Variants in VPS41 observed in about 807,000 individuals in gnomAD.
VPS41 encodes vacuolar protein sorting-associated protein 41 homolog.
Under a neutral mutation model 130.9 loss-of-function variants are expected in VPS41, and 85 were observed. That is an observed-to-expected ratio of 0.65 (90% CI 0.55 to 0.78). VPS41 has a LOEUF of 0.78. VPS41 is among the 30% of genes least tolerant of loss of function. The pLI, the probability that VPS41 is intolerant of heterozygous loss-of-function variation, is 0.00. For missense variants in VPS41, 874 were observed against 1,018.7 expected (o/e 0.86, Z 1.93); for synonymous variants, 335 against 332.9 (o/e 1.01, Z -0.07).
intron 2 of VPS41, among the ~76,000 whole-genome samples, chr7:38,891,355 T>C (rs1786862762): frequency 6.6e-6 from 1 of 152,334 alleles, no homozygotes; most frequent in East Asian, 1.9e-4. Context: ...AAAAAGCACA[T>C]GTCCCAGTGA....
At chr7:38,787,909 G>C (rs1015223563) in intron 10 of VPS41, among the ~76,000 whole-genome samples, 4 of 152,154 alleles carry the variant, frequency 2.6e-5, no homozygotes, top group Non-Finnish European at 5.9e-5. Context: ...TGTCAGTAAT[G>C]TGATACTGTT....
At chr7:38,765,353 G>C (rs1784017234) in intron 16 of VPS41, among the ~76,000 whole-genome samples, 1 of 151,888 alleles carries the variant, frequency 6.6e-6, no homozygotes, top group African/African-American at 2.4e-5. Flanking sequence ...GAGAGAATTG[G>C]AAAGAGATAA....
intron 12 of VPS41, among the ~76,000 whole-genome samples, chr7:38,772,970 A>T (rs1486332434): frequency 6.6e-6 from 1 of 152,212 alleles, no homozygotes. Flanking sequence ...TAATACATCA[A>T]CACTCTGACT....
chr7:38,847,210 T>C (rs775624076), intron 4 of VPS41, among the ~76,000 whole-genome samples: 1 of 152,054 alleles, frequency 6.6e-6, no homozygotes, highest in African/African-American at 2.4e-5. Context: ...TCAAACATCA[T>C]ACAACCAAAA....
chr7:38,861,064 A>G (rs948286997), intron 4 of VPS41, among the ~76,000 whole-genome samples: 20 of 152,172 alleles, frequency 1.3e-4, no homozygotes, highest in Admixed American at 1.0e-3. Context: ...TGATACTATA[A>G]ATTACCTGAA....
intron 25 of VPS41, among the ~76,000 whole-genome samples, chr7:38,730,017 G>A (rs992830766): frequency 6.6e-6 from 1 of 152,142 alleles, no homozygotes; most frequent in Non-Finnish European, 1.5e-5. Context: ...TGTGCCTGTG[G>A]CTTCTCCCTT....
intron 10 of VPS41, among the ~76,000 whole-genome samples, chr7:38,786,380 G>C (rs11980534): frequency 0.073 from 11,088 of 152,092 alleles, 478 homozygotes; most frequent in African/African-American, 0.11. Flanking sequence ...TGTTATATAA[G>C]GAACAATATA....
intron 2 of VPS41, among the ~76,000 whole-genome samples, chr7:38,889,915 A>G (rs1369461570): frequency 1.3e-5 from 2 of 152,226 alleles, no homozygotes; most frequent in Admixed American, 1.3e-4. Flanking sequence ...AATTGCACTT[A>G]AAAAGCAAGG....
At chr7:38,890,650 G>A (rs111244391) in intron 2 of VPS41, among the ~76,000 whole-genome samples, 10 of 152,202 alleles carry the variant, frequency 6.6e-5, no homozygotes, top group African/African-American at 1.9e-4. Context: ...TTTGGAAAGC[G>A]GGTGAAGGAT....
chr7:38,897,607 T>C (rs10245301), intron 2 of VPS41, among the ~76,000 whole-genome samples: 30,098 of 138,794 alleles, frequency 0.22, 4,076 homozygotes, highest in Non-Finnish European at 0.31. Flanking sequence ...ATGGAGCCAC[T>C]ACACTCCAGC....
chr7:38,758,553 C>T (rs1055369617), intron 17 of VPS41, 72 bp from the exon 18 acceptor site: 1 of 1,442,886 alleles, frequency 6.9e-7, no homozygotes, highest in African/African-American at 1.4e-5. Flanking sequence ...GTGAAATATA[C>T]ATTTGGTCCT....
At chr7:38,845,259 A>G (rs1584424336) in intron 4 of VPS41, among the ~76,000 whole-genome samples, 1 of 152,202 alleles carries the variant, frequency 6.6e-6, no homozygotes, top group East Asian at 1.9e-4. Flanking sequence ...TACTTCAATA[A>G]AAGGAAAAAA....
At chr7:38,794,127 A>C (rs903712160) in intron 9 of VPS41, among the ~76,000 whole-genome samples, 9 of 152,188 alleles carry the variant, frequency 5.9e-5, no homozygotes, top group African/African-American at 2.2e-4. Flanking sequence ...ACCATAAGAA[A>C]AGAAAATCAG....
chr7:38,740,355 C>T (rs1428388461), intron 25 of VPS41, among the ~76,000 whole-genome samples: 3 of 152,122 alleles, frequency 2.0e-5, no homozygotes, highest in African/African-American at 7.2e-5. Context: ...AACACTTTCA[C>T]CAAAGCCCAA....
At chr7:38,733,686 A>G (rs571998098) in intron 25 of VPS41, among the ~76,000 whole-genome samples, 1 of 152,244 alleles carries the variant, frequency 6.6e-6, no homozygotes, top group Non-Finnish European at 1.5e-5. Flanking sequence ...TCAGAACTTA[A>G]AACTAGTTTG....
At chr7:38,777,868 T>C (rs1319022694) in intron 10 of VPS41, among the ~76,000 whole-genome samples, 1 of 152,246 alleles carries the variant, frequency 6.6e-6, no homozygotes, top group Non-Finnish European at 1.5e-5. Flanking sequence ...CATTTTAACA[T>C]TTCCCAACTA....
intron 7 of VPS41, among the ~76,000 whole-genome samples, chr7:38,813,265 G>C (rs1282161173): frequency 6.6e-6 from 1 of 151,982 alleles, no homozygotes; most frequent in Non-Finnish European, 1.5e-5. Flanking sequence ...TAGACACAAA[G>C]GCCATATATT....
chr7:38,767,108 C>G (rs1428474502), intron 15 of VPS41, among the ~76,000 whole-genome samples: 1 of 152,128 alleles, frequency 6.6e-6, no homozygotes, highest in Non-Finnish European at 1.5e-5. Flanking sequence ...TGTTGACACT[C>G]TATTTGACTA....
intron 10 of VPS41, among the ~76,000 whole-genome samples, chr7:38,786,813 T>C (rs1414824920): frequency 6.6e-6 from 1 of 152,070 alleles, no homozygotes; most frequent in African/African-American, 2.4e-5. Flanking sequence ...TGAAACCACA[T>C]CACTCCTGGG....
Sources: allele counts gnomAD v4.1 joint callset (sites outside exome capture counted in the v4.1 genomes callset), GRCh38; gene constraint gnomAD v4.1.1; transcripts MANE v1.5; gene names NCBI Gene and HGNC (gene_info 2026-07-23, HGNC 2026-07-21).